The following YIF1B variants were observed in gnomAD, a reference collection of about 807,000 sequenced individuals.
YIF1B encodes protein YIF1B.
Under a neutral mutation model 34.6 loss-of-function variants are expected in YIF1B, and 24 were observed. The observed-to-expected ratio is 0.69, with a 90% CI of 0.50 to 0.98. The LOEUF is 0.98. Among genes scored for constraint, YIF1B ranks in the 50% least tolerant of loss-of-function variants. The pLI, the probability that YIF1B is intolerant of heterozygous loss-of-function variation, is 0.00. For missense variants in YIF1B, 368 were observed against 429.4 expected, an observed-to-expected ratio of 0.86 and a Z score of 1.26; for synonymous variants, 186 against 184.8, an observed-to-expected ratio of 1.01 and a Z score of -0.05.
chr19:38,310,231 T>C (rs1033011485), intron 1 of YIF1B, among the ~76,000 whole-genome samples: 106 of 129,508 alleles, frequency 8.2e-4, no homozygotes, highest in African/African-American at 3.0e-3. Context: ...CATCCATCCA[T>C]CCACCACCCA....
At chr19:38,305,754 C>A (rs1600375013) in intron 7 of YIF1B, among the ~76,000 whole-genome samples, 1 of 152,196 alleles carries the variant, frequency 6.6e-6, no homozygotes, top group Non-Finnish European at 1.5e-5. Context: ...TACTCAAATG[C>A]CAGGCAAGGT....
At chr19:38,320,239 C>G (rs1323013453), upstream of YIF1B, 2 of 1,606,040 alleles carry the variant, frequency 1.2e-6, no homozygotes, top group African/African-American at 1.3e-5. Flanking sequence ...CGCCTCTGCT[C>G]TCTTCTTCGC....
chr19:38,319,167 G>C (rs1301070726), upstream of YIF1B, among the ~76,000 whole-genome samples: 1 of 151,820 alleles, frequency 6.6e-6, no homozygotes, highest in Non-Finnish European at 1.5e-5. Flanking sequence ...CCCAGGCATA[G>C]CTCACTGCAG....
chr19:38,315,965 C>T (rs1969534486), upstream of YIF1B: 3 of 1,379,598 alleles, frequency 2.2e-6, no homozygotes, highest in South Asian at 1.6e-5. Flanking sequence ...GCCCGCCCGG[C>T]TCCCGTACCC....
At chr19:38,321,221 C>G (rs1969648224), upstream of YIF1B, among the ~76,000 whole-genome samples, 1 of 152,224 alleles carries the variant, frequency 6.6e-6, no homozygotes, top group Non-Finnish European at 1.5e-5. Context: ...TCAGCAAGGA[C>G]CTGGCACCGC....
chr19:38,307,158 G>T (rs1414099914), intron 7 of YIF1B: 7 of 531,316 alleles, frequency 1.3e-5, no homozygotes, highest in South Asian at 9.7e-5. Flanking sequence ...TGTAAGGAGA[G>T]TGGAATGAGA....
At position 38,304,436 on chromosome 19, in the gene YIF1B, C is replaced by T. The variant is rs1232052769; in HGVS notation, c.*916G>A. On this transcript the variant is annotated 3_prime_UTR_variant, in exon 8 of 8. Coordinates refer to ENST00000339413, the MANE Select transcript of YIF1B (RefSeq NM_001039672.3). ...CGGGCCACGGGGGAGATCCCAAGCT[C>T]AGTCCCCACAAAGTTCAGGGCCGGT... The T allele has an allele frequency of 4.5e-6, 7 of 1,559,704 alleles. No homozygotes were observed. In the East Asian group the frequency reaches 1.2e-4, roughly 27 times the overall value.
At chr19:38,314,546 G>A (rs920627436) in intron 1 of YIF1B, among the ~76,000 whole-genome samples, 5 of 151,478 alleles carry the variant, frequency 3.3e-5, no homozygotes, top group African/African-American at 1.2e-4. Context: ...GGCCAGGCTG[G>A]TTGGCTGGGC....
At chr19:38,314,491 C>T (rs550643220) in intron 1 of YIF1B, among the ~76,000 whole-genome samples, 1 of 152,004 alleles carries the variant, frequency 6.6e-6, no homozygotes, top group Non-Finnish European at 1.5e-5. Flanking sequence ...CTGCGCCCAA[C>T]CTAATTTTTT....
Position 38,308,793 on chromosome 19 carries a change from T to G in YIF1B, c.538A>C (p.Arg180=). The part of the protein sequence containing the change: ...VAGLALGTQD[R]FSPDLLGLQA... The stretch of plus-strand genomic sequence containing the variant: ...CGGCCTGCCCCAGGCCTCCCTTACC[T>G]ATCCTGGGTCCCCAGCGCAAGACCA... The change falls in exon 5 of 8, where the codon AGG becomes CGG. Residue 180 remains arginine (R), a splice_region_variant and synonymous_variant. Coordinates refer to ENST00000339413, the MANE Select transcript of YIF1B (RefSeq NM_001039672.3). 6.2e-7 allele frequency: 1 copy of G among 1,613,792 alleles called. No homozygotes were observed. Among genetic ancestry groups the G allele is most frequent in the Non-Finnish European group, 8.5e-7 (1 of 1,179,866 alleles).
upstream of YIF1B, chr19:38,320,246 T>G (rs748875386): frequency 1.2e-6 from 2 of 1,606,314 alleles, no homozygotes; most frequent in East Asian, 4.5e-5. Flanking sequence ...GCTCTCTTCT[T>G]CGCCAGCACG....
In YIF1B at chr19:38,307,592, C is replaced by T. The variant is rs781055373; in HGVS notation, c.695+5G>A. The T allele has an allele frequency of 1.9e-6, 3 of 1,613,636 alleles. No homozygotes were observed. The highest frequency in any genetic ancestry group is 2.7e-5 in the African/African-American group (2 of 74,970). ...GGGGCTGGCGTGAAGGGCGGGGGTA[C>T]TCACCCGACATATTTGTAGCCCAAG... On this transcript the variant is annotated splice_donor_5th_base_variant and intron_variant, in intron 6 of 7. Coordinates refer to ENST00000339413, the MANE Select transcript of YIF1B (RefSeq NM_001039672.3).
At chr19:38,309,944 C>A (rs1850530418) in intron 1 of YIF1B, 2 of 815,574 alleles carry the variant, frequency 2.5e-6, no homozygotes, top group Admixed American at 7.7e-5. Context: ...ATCCATCCAT[C>A]TATCCATCTA....
At chr19:38,309,113 T>A in intron 3 of YIF1B, 56 bp from the exon 4 acceptor site, 1 of 1,560,326 alleles carries the variant, frequency 6.4e-7, no homozygotes, top group South Asian at 1.2e-5. Flanking sequence ...CCCACCCTGC[T>A]ACAGGCCCTC....
In YIF1B at chr19:38,308,831, T is replaced by C. The variant is rs755436161; in HGVS notation, c.500A>G (p.Tyr167Cys). The part of the protein sequence containing the change: ...LYIPAMAFIT[Y>C]VLVAGLALGT... ...CAGCGCAAGACCAGCCACCAAAACG[T>C]AGGTGATGAAAGCCATTGCTGTGGG... Residue 167 changes from tyrosine (Y) to cysteine (C), a missense_variant, in exon 5 of 8, where the codon TAC (tyrosine) becomes TGC (cysteine). Around this residue, in one of 3 missense-constraint regions of YIF1B, gnomAD observed 208 missense variants for 247.8 expected, o/e 0.84. Coordinates refer to ENST00000339413, the MANE Select transcript of YIF1B (RefSeq NM_001039672.3). 5 of 1,613,894 alleles carry C rather than the reference T, an allele frequency of 3.1e-6. No homozygotes were observed. Among genetic ancestry groups the C allele is most frequent in the Non-Finnish European group, 4.2e-6 (5 of 1,179,914 alleles).
rs781694375 is a variant in YIF1B at position 38,304,812 on chromosome 19, T to G, written c.*540A>C. ...GTCTCGCTTCCAGCCCAGAACCATCTCTTCTCTCCCATCCCTGCCCTCGGC... is the reference window on the plus strand; with the variant it reads ...GTCTCGCTTCCAGCCCAGAACCATCGCTTCTCTCCCATCCCTGCCCTCGGC... On this transcript the variant is annotated 3_prime_UTR_variant, in exon 8 of 8. Transcript: ENST00000339413. The G allele has an allele frequency of 6.2e-7, 1 of 1,613,432 alleles. No individual in the cohort carries two copies. The highest frequency in any genetic ancestry group is 1.3e-5 in the African/African-American group (1 of 74,964).
In YIF1B at chr19:38,303,768, T is replaced by G. The variant is rs114220322; in HGVS notation, c.*1584A>C. Among the ~76,000 whole-genome samples the G allele has an allele frequency of 4.6e-3, 703 of 152,294 alleles. 4 individuals are homozygous for G. The highest frequency in any genetic ancestry group is 0.016 in the African/African-American group (685 of 41,560). On this transcript the variant is annotated 3_prime_UTR_variant, in exon 8 of 8. Coordinates refer to ENST00000339413, the MANE Select transcript of YIF1B (RefSeq NM_001039672.3). ...GCTAAGTGACACAGCTGGCATCTAG[T>G]GCAGCAGGCTGGCTCCAAGTCTATG...
At chr19:38,311,202 G>A (rs976895913) in intron 1 of YIF1B, among the ~76,000 whole-genome samples, 3 of 151,654 alleles carry the variant, frequency 2.0e-5, no homozygotes, top group African/African-American at 4.8e-5. Context: ...TGGGAGGATC[G>A]CTTCAGCCTG....
At chr19:38,319,996 G>GC (rs1185254758), upstream of YIF1B, 2 of 1,484,122 alleles carry the variant, frequency 1.3e-6, no homozygotes, top group African/African-American at 1.5e-5. Flanking sequence ...CGCGTACGCC[G>GC]CGTACCTGGT....
Sources: gnomAD v4.1 joint callset for allele counts (sites outside exome capture counted in the v4.1 genomes callset) on GRCh38, gnomAD v4.1.1 for gene constraint, gnomAD v4.1.1 regional missense constraint, MANE v1.5 for transcripts, NCBI Gene and HGNC (gene_info 2026-07-23, HGNC 2026-07-21) for gene names.